The following PLAGL1 variants were observed in gnomAD, a reference collection of about 807,000 sequenced individuals.
PLAGL1 encodes zinc finger protein PLAGL1.
PLAGL1 carries 1 observed loss-of-function variant against 4.6 expected under a neutral mutation model. The observed-to-expected ratio is 0.22, with a 90% CI of 0.08 to 1.03. The LOEUF is 1.03. Among genes scored for constraint, PLAGL1 ranks in the 50% least tolerant of loss-of-function variants. PLAGL1 has a pLI of 0.58. For synonymous variants in PLAGL1, 240 were observed against 237.8 expected (o/e 1.01, Z -0.08); for missense variants, 464 against 570.4 (o/e 0.81, Z 1.90).
At chr6:144,013,262 G>A (rs1042056107), upstream of PLAGL1, among the ~76,000 whole-genome samples, 3 of 152,158 alleles carry the variant, frequency 2.0e-5, no homozygotes, top group Non-Finnish European at 4.4e-5. The surrounding 1 kb of genome is among the most constrained non-coding windows in gnomAD (Gnocchi z 4.4). Flanking sequence ...ACACTTTCAG[G>A]AACAGGTGTT....
In PLAGL1 at chr6:144,039,796, T is replaced by C. The variant is rs1190489296; in HGVS notation, c.-151+24672A>G. Among the ~76,000 whole-genome samples, 2 of 152,222 alleles carry C rather than the reference T, an allele frequency of 1.3e-5. No homozygotes were observed. Among genetic ancestry groups the C allele is most frequent in the African/African-American group, 2.4e-5 (1 of 41,450 alleles). Reference sequence around the variant, plus strand: ...TAAATCCTAGACATATTTATGCATATGTACACCAAGATATATCTGCAAGAA... The same window carrying C: ...TAAATCCTAGACATATTTATGCATACGTACACCAAGATATATCTGCAAGAA... On this transcript the variant is annotated intron_variant, in intron 1 of 3. Coordinates refer to the PLAGL1 transcript ENST00000437412. This position sits in a 1 kb window ranked among gnomAD's most constrained non-coding sequence, Gnocchi z 4.1.
At position 143,993,259 on chromosome 6, in the gene PLAGL1, G is replaced by A. The variant is rs540036562; in HGVS notation, c.-583-8085C>T. Among the ~76,000 whole-genome samples, 15 of 150,354 alleles carry A rather than the reference G, an allele frequency of 1.0e-4. No homozygotes were observed. In the South Asian group the frequency reaches 1.9e-3, roughly 19 times the overall value. ...GCAGAGTTTGCAGTGAGCCAAGATCGCGCCACTGCACTCCAGCCTAGGTGA... is the reference window on the plus strand; with the variant it reads ...GCAGAGTTTGCAGTGAGCCAAGATCACGCCACTGCACTCCAGCCTAGGTGA... On this transcript the variant is annotated intron_variant, in intron 1 of 7. Transcript: ENST00000674357.
chr6:144,047,835 C>T (rs1236334845), intron 1 of PLAGL1, among the ~76,000 whole-genome samples: 2 of 152,136 alleles, frequency 1.3e-5, no homozygotes, highest in Non-Finnish European at 1.5e-5. Flanking sequence ...CAGCCCTTCC[C>T]AACAGTTCCC....
chr6:144,014,865 C>T lies in PLAGL1; in HGVS notation c.-150-45887G>A, dbSNP rs908793310. 3.3e-5 allele frequency among the ~76,000 whole-genome samples: 5 copies of T among 152,114 alleles called. No individual in the cohort carries two copies. The South Asian group carries it at 6.2e-4, about 19-fold the overall frequency. ...AAGGTGCTGAGATTACAGGTGTGAG[C>T]CACTGTCCCCAGCCTAGATCTATTG... On this transcript the variant is annotated intron_variant, in intron 1 of 3. Coordinates refer to the PLAGL1 transcript ENST00000437412.
chr6:144,006,573 AACTTTTTTTTTTTTTGGTTCAAC>A lies in PLAGL1; in HGVS notation c.-584+1494_-584+1516del, dbSNP rs1206662437. On this transcript the variant is annotated intron_variant, in intron 1 of 7. Transcript: ENST00000674357. This position sits in a 1 kb window ranked among gnomAD's most constrained non-coding sequence, Gnocchi z 4.3. ...AAGATATCACACAGCATTCTCCGGC[AACTTTTTTTTTTTTTGGTTCAAC>A]ACTGAAAGGCATTTGTGTTGAAACA... 1 of 151,214 alleles carries A rather than the reference AACTTTTTTTTTTTTTGGTTCAAC, an allele frequency of 6.6e-6. No individual in the cohort carries two copies. The highest frequency in any genetic ancestry group is 1.5e-5 in the Non-Finnish European group (1 of 67,878). 9.4% of individuals were successfully genotyped at this position (151,214 alleles called of 1,614,324 possible). A position where few individuals can be genotyped will look rare whatever the true frequency, so the allele number is the denominator to read the frequency against.
At position 143,961,717 on chromosome 6, in the gene PLAGL1, C is replaced by T. The variant is rs372355629; in HGVS notation, c.-398-1175G>A. Reference sequence around the variant, plus strand: ...TTGTGCTGGTTTAATTGGGTGGTCTCCAAAGGCTTGTATAAAATTTTTTTT... The same window carrying T: ...TTGTGCTGGTTTAATTGGGTGGTCTTCAAAGGCTTGTATAAAATTTTTTTT... On this transcript the variant is annotated intron_variant, in intron 5 of 7. Coordinates refer to ENST00000674357, the MANE Select transcript of PLAGL1 (RefSeq NM_001317162.2). This position sits in a 1 kb window ranked among gnomAD's most constrained non-coding sequence, Gnocchi z 6.5. Among the ~76,000 whole-genome samples the T allele has an allele frequency of 3.5e-4, 53 of 152,152 alleles. No homozygotes were observed. In the South Asian group the frequency reaches 8.1e-3, roughly 23 times the overall value.
chr6:144,022,584 G>C lies in PLAGL1; in HGVS notation c.-151+41884C>G, dbSNP rs1365789148. Reference sequence around the variant, plus strand: ...CCATGTGTTGTGGGAGGGATCTGGTGCTGGTAATTGAATCATGGGGACAGG... The same window carrying C: ...CCATGTGTTGTGGGAGGGATCTGGTCCTGGTAATTGAATCATGGGGACAGG... On this transcript the variant is annotated intron_variant, in intron 1 of 3. Transcript: ENST00000437412. The surrounding 1 kb of genome is among the most constrained non-coding windows in gnomAD (Gnocchi z 4.2). Among the ~76,000 whole-genome samples the C allele has an allele frequency of 1.3e-5, 2 of 152,178 alleles. No homozygotes were observed. Among genetic ancestry groups the C allele is most frequent in the Non-Finnish European group, 2.9e-5 (2 of 68,032 alleles).
rs925750665 is a variant in PLAGL1 at position 143,961,970 on chromosome 6, G to A, written c.-398-1428C>T. 2.0e-5 allele frequency among the ~76,000 whole-genome samples: 3 copies of A among 152,112 alleles called. No individual in the cohort carries two copies. The highest frequency in any genetic ancestry group is 2.1e-4 in the South Asian group (1 of 4,830). Reference sequence around the variant, plus strand: ...ATTCAAATTATCACAAAAAGAAAGCGATTCCTTTCTGAATTCAACAATACT... The same window carrying A: ...ATTCAAATTATCACAAAAAGAAAGCAATTCCTTTCTGAATTCAACAATACT... On this transcript the variant is annotated intron_variant, in intron 5 of 7. Transcript: ENST00000674357. This position sits in a 1 kb window ranked among gnomAD's most constrained non-coding sequence, Gnocchi z 6.5.
chr6:143,955,762 G>A lies in PLAGL1; in HGVS notation c.-325+4707C>T, dbSNP rs1781991633. Reference sequence around the variant, plus strand: ...GCAGGGACGTATAAGACATGCTGGAGGGTGGTGGGCTGGATAATGAGATCA... The same window carrying A: ...GCAGGGACGTATAAGACATGCTGGAAGGTGGTGGGCTGGATAATGAGATCA... On this transcript the variant is annotated intron_variant, in intron 6 of 7. Coordinates refer to ENST00000674357, the MANE Select transcript of PLAGL1 (RefSeq NM_001317162.2). The surrounding 1 kb of genome is among the most constrained non-coding windows in gnomAD (Gnocchi z 4.9). 6.6e-6 allele frequency among the ~76,000 whole-genome samples: 1 copy of A among 152,122 alleles called. No homozygotes were observed. The highest frequency in any genetic ancestry group is 1.5e-5 in the Non-Finnish European group (1 of 68,028).
intron 1 of PLAGL1, among the ~76,000 whole-genome samples, chr6:144,003,395 C>T (rs9496833): frequency 0.022 from 3,389 of 152,090 alleles, 134 homozygotes; most frequent in African/African-American, 0.076. Flanking sequence ...GAGGCCAAGG[C>T]GGGTGGATCA....
Position 143,983,218 on chromosome 6 carries a change from TGACA to T in PLAGL1, c.-544+1913_-544+1916del, listed in dbSNP as rs1200811867. On this transcript the variant is annotated intron_variant, in intron 2 of 7. Coordinates refer to ENST00000674357, the MANE Select transcript of PLAGL1 (RefSeq NM_001317162.2). This position sits in a 1 kb window ranked among gnomAD's most constrained non-coding sequence, Gnocchi z 6.6. ...GCATGATCAGTGGGGTCAGTGCTTC[TGACA>T]GGTCAAGGAAGATACAGACTGAGAA... is the stretch of plus-strand genomic sequence containing the variant. Among the ~76,000 whole-genome samples the T allele has an allele frequency of 1.3e-5, 2 of 152,172 alleles. No individual in the cohort carries two copies. Among genetic ancestry groups the T allele is most frequent in the African/African-American group, 4.8e-5 (2 of 41,436 alleles).
intron 1 of PLAGL1, among the ~76,000 whole-genome samples, chr6:144,040,935 A>T (rs1830122376): frequency 6.6e-6 from 1 of 152,172 alleles, no homozygotes; most frequent in Non-Finnish European, 1.5e-5. Flanking sequence ...AGAAGTAAAG[A>T]TAGCCCACCT....
At position 143,957,894 on chromosome 6, in the gene PLAGL1, T is replaced by C. The variant is rs914609317; in HGVS notation, c.-325+2575A>G. ...CTGGATTTATAGATGACCTCATTGT[T>C]TATTTTTTGAATATCTGCACTTTCT... On this transcript the variant is annotated intron_variant, in intron 6 of 7. Coordinates refer to ENST00000674357, the MANE Select transcript of PLAGL1 (RefSeq NM_001317162.2). This position sits in a 1 kb window ranked among gnomAD's most constrained non-coding sequence, Gnocchi z 4.2. 2.6e-5 allele frequency among the ~76,000 whole-genome samples: 4 copies of C among 152,238 alleles called. No homozygotes were observed. The highest frequency in any genetic ancestry group is 5.9e-5 in the Non-Finnish European group (4 of 68,046).
At chr6:143,993,261 G>A (rs915571776) in intron 1 of PLAGL1, among the ~76,000 whole-genome samples, 4 of 151,426 alleles carry the variant, frequency 2.6e-5, no homozygotes, top group South Asian at 4.2e-4. Context: ...CCAAGATCGC[G>A]CCACTGCACT....
intron 1 of PLAGL1, among the ~76,000 whole-genome samples, chr6:144,018,600 A>G (rs368966189): frequency 2.6e-4 from 40 of 152,368 alleles, no homozygotes; most frequent in Middle Eastern, 6.8e-3. Flanking sequence ...GGCAAGGCAT[A>G]CAAATATAAA....
At position 143,956,191 on chromosome 6, in the gene PLAGL1, C is replaced by G. The variant is rs138973504; in HGVS notation, c.-325+4278G>C. On this transcript the variant is annotated intron_variant, in intron 6 of 7. Coordinates refer to ENST00000674357, the MANE Select transcript of PLAGL1 (RefSeq NM_001317162.2). ...AGTGACTCACGTGTTCAACCTTGAT[C>G]ACCAATGTTTTCCTCCTAGAGTGGT... Among the ~76,000 whole-genome samples the G allele has an allele frequency of 1.2e-4, 18 of 152,318 alleles. No individual in the cohort carries two copies. The East Asian group carries it at 3.5e-3, about 29-fold the overall frequency.
In PLAGL1 at chr6:143,982,690, G is replaced by A. The variant is rs1484468977; in HGVS notation, c.-544+2445C>T. On this transcript the variant is annotated intron_variant, in intron 2 of 7. Coordinates refer to ENST00000674357, the MANE Select transcript of PLAGL1 (RefSeq NM_001317162.2). This position sits in a 1 kb window ranked among gnomAD's most constrained non-coding sequence, Gnocchi z 5.3. The stretch of plus-strand genomic sequence containing the variant: ...TCACCTTCTGGATTTATGGAAGGTG[G>A]GGCTGACAGTATCTCCTGACAGCTG... Among the ~76,000 whole-genome samples, 1 of 152,096 alleles carries A rather than the reference G, an allele frequency of 6.6e-6. No individual in the cohort carries two copies. Among genetic ancestry groups the A allele is most frequent in the Non-Finnish European group, 1.5e-5 (1 of 68,020 alleles).
At chr6:143,987,031 G>A (rs988314586) in intron 1 of PLAGL1, among the ~76,000 whole-genome samples, 2 of 152,096 alleles carry the variant, frequency 1.3e-5, no homozygotes, top group Non-Finnish European at 2.9e-5. Flanking sequence ...CTTTCTGGGA[G>A]GGAAGTTAAT....
At position 143,950,252 on chromosome 6, in the gene PLAGL1, C is replaced by G. The variant is rs925392068; in HGVS notation, c.-324-1792G>C. On this transcript the variant is annotated intron_variant, in intron 6 of 7. Coordinates refer to ENST00000674357, the MANE Select transcript of PLAGL1 (RefSeq NM_001317162.2). This position sits in a 1 kb window ranked among gnomAD's most constrained non-coding sequence, Gnocchi z 6.3. Reference sequence around the variant, plus strand: ...ATTCTAGCAGCACACACAACCTCTGCAATTATGTGTGACTTTAACTAATTA... The same window carrying G: ...ATTCTAGCAGCACACACAACCTCTGGAATTATGTGTGACTTTAACTAATTA... Among the ~76,000 whole-genome samples the G allele has an allele frequency of 6.6e-6, 1 of 152,170 alleles. No homozygotes were observed. Among genetic ancestry groups the G allele is most frequent in the Admixed American group, 6.5e-5 (1 of 15,282 alleles).
Sources: allele counts gnomAD v4.1 joint callset (sites outside exome capture counted in the v4.1 genomes callset), GRCh38; gene constraint gnomAD v4.1.1; non-coding constraint Gnocchi (gnomAD v3.1); transcripts MANE v1.5; gene names NCBI Gene and HGNC (gene_info 2026-07-23, HGNC 2026-07-21).